The following GFI1 variants were observed in gnomAD, a reference collection of about 807,000 sequenced individuals.
GFI1 encodes zinc finger protein Gfi-1.
In GFI1, 15 loss-of-function variants were observed where a neutral mutation model predicts 39.2. That is an observed-to-expected ratio of 0.38 (90% CI 0.26 to 0.59). GFI1 has a LOEUF of 0.59. Ranked by LOEUF, GFI1 falls within the 20% of genes least tolerant of loss-of-function variation. The pLI is 0.62. For synonymous variants in GFI1, 239 were observed against 254.3 expected, an observed-to-expected ratio of 0.94 and a Z score of 0.57; for missense variants, 475 against 574.0, an observed-to-expected ratio of 0.83 and a Z score of 1.76.
At position 92,475,787 on chromosome 1, in the gene GFI1, G is replaced by A; in HGVS notation, c.*242C>T. The A allele has an allele frequency of 5.4e-6, 3 of 554,526 alleles. No homozygotes were observed. The highest frequency in any genetic ancestry group is 9.8e-6 in the Non-Finnish European group (3 of 307,598). 34.4% of individuals were successfully genotyped at this position (554,526 alleles called of 1,614,324 possible). Reference sequence around the variant, plus strand: ...TTCAGGTGTAGAGGAGCCTATTTGTGTCCGAAGCCTAGAGAGTCACTTGGT... The same window carrying A: ...TTCAGGTGTAGAGGAGCCTATTTGTATCCGAAGCCTAGAGAGTCACTTGGT... On this transcript the variant is annotated 3_prime_UTR_variant, in exon 7 of 7. Coordinates refer to ENST00000294702, the MANE Select transcript of GFI1 (RefSeq NM_005263.5).
intron 6 of GFI1, among the ~76,000 whole-genome samples, chr1:92,477,595 C>T (rs1571211946): frequency 6.6e-6 from 1 of 152,170 alleles, no homozygotes; most frequent in Admixed American, 6.5e-5. Flanking sequence ...GTTAGACAAA[C>T]AGTCCAGGAT....
chr1:92,476,325 A>G (rs1401734486), intron 6 of GFI1, 118 bp from the exon 7 acceptor site: 1 of 900,238 alleles, frequency 1.1e-6, no homozygotes, highest in Non-Finnish European at 1.8e-6. Context: ...AAGGCCTTCA[A>G]GCAACTTGGA....
chr1:92,475,569 C>T lies in GFI1; in HGVS notation c.*460G>A. On this transcript the variant is annotated 3_prime_UTR_variant, in exon 7 of 7. Coordinates refer to ENST00000294702, the MANE Select transcript of GFI1 (RefSeq NM_005263.5). ...TAAAAGTTAACACTCACTCTTCTTT[C>T]TAGATAAAAATATTAGCATTTGTCC... 1 of 195,232 alleles carries T rather than the reference C, an allele frequency of 5.1e-6. No homozygotes were observed. The highest frequency in any genetic ancestry group is 9.3e-5 in the South Asian group (1 of 10,794). The allele number at this position is 195,232 out of a possible 1,614,324, so 12.1% of individuals were successfully genotyped here. A position where few individuals can be genotyped will look rare whatever the true frequency, so the allele number is the denominator to read the frequency against.
Position 92,484,695 on chromosome 1 carries a change from G to C in GFI1, c.-99-1109C>G, listed in dbSNP as rs938286868. 4.6e-5 allele frequency: 7 copies of C among 152,560 alleles called. No homozygotes were observed. In the South Asian group the frequency reaches 1.0e-3, roughly 23 times the overall value. The allele number at this position is 152,560 out of a possible 1,614,324, so 9.5% of individuals were successfully genotyped here. A position where few individuals can be genotyped will look rare whatever the true frequency, so the allele number is the denominator to read the frequency against. On this transcript the variant is annotated intron_variant, in intron 1 of 6. Coordinates refer to ENST00000294702, the MANE Select transcript of GFI1 (RefSeq NM_005263.5). The surrounding 1 kb of genome is among the most constrained non-coding windows in gnomAD (Gnocchi z 4.1). The stretch of plus-strand genomic sequence containing the variant: ...CCAGGTCGAAATCTGAGCGCAGCGG[G>C]AGGGCGTGGCTGCGCCTGCCGCTAG...
intron 6 of GFI1, among the ~76,000 whole-genome samples, chr1:92,476,835 A>T (rs1229665800): frequency 1.3e-5 from 2 of 152,150 alleles, no homozygotes; most frequent in Non-Finnish European, 2.9e-5. Context: ...ATCTTATTTT[A>T]AAAATCCACA....
At position 92,480,422 on chromosome 1, in the gene GFI1, A is replaced by C; in HGVS notation, c.850T>G (p.Phe284Val). 1 of 1,550,390 alleles carries C rather than the reference A, an allele frequency of 6.4e-7. No homozygotes were observed. Among genetic ancestry groups the C allele is most frequent in the Non-Finnish European group, 8.7e-7 (1 of 1,146,662 alleles). ...GTCTTGCCGCACATCTCGCAGGCAAAGGGTCTGGTACCGCTGTGGGACCTG... is the reference window on the plus strand; with the variant it reads ...GTCTTGCCGCACATCTCGCAGGCAACGGGTCTGGTACCGCTGTGGGACCTG... ...VRRSHSGTRP[F>V]ACEMCGKTFG... is the part of the protein sequence containing the mutation. Residue 284 changes from phenylalanine to valine, a missense_variant, in exon 5 of 7, where the codon TTT becomes GTT. Physicochemically the swap from Phe to Val is conservative, Grantham distance 50 (BLOSUM62 -1). Coordinates refer to ENST00000294702, the MANE Select transcript of GFI1 (RefSeq NM_005263.5). The surrounding 1 kb of genome is among the most constrained non-coding windows in gnomAD (Gnocchi z 5.6).
rs1658253379 is a variant in GFI1 at position 92,481,503 on chromosome 1, G to A, written c.299-415C>T. Among the ~76,000 whole-genome samples the A allele has an allele frequency of 6.6e-6, 1 of 152,240 alleles. No individual in the cohort carries two copies. The highest frequency in any genetic ancestry group is 1.5e-5 in the Non-Finnish European group (1 of 68,046). On this transcript the variant is annotated intron_variant, in intron 3 of 6. Transcript: ENST00000294702. This position sits in a 1 kb window ranked among gnomAD's most constrained non-coding sequence, Gnocchi z 4.3. ...CGGCCCCTCACAGCACTCAAGGGCG[G>A]AAGGGTCCAGCCACCAGCGCAGGCA... is the stretch of plus-strand genomic sequence containing the variant.
intron 5 of GFI1, 131 bp from the exon 6 acceptor site, chr1:92,478,884 T>C: frequency 8.2e-7 from 1 of 1,217,520 alleles, no homozygotes; most frequent in Non-Finnish European, 1.2e-6. Context: ...TCTTTCTTTT[T>C]TTGAGACAGT....
chr1:92,476,743 A>ACTTT (rs754858245), intron 6 of GFI1, among the ~76,000 whole-genome samples: 1 of 152,020 alleles, frequency 6.6e-6, no homozygotes, highest in Non-Finnish European at 1.5e-5. Context: ...CTTAACATGG[A>ACTTT]CTTTCTTTCT....
rs1255210798 is a variant in GFI1, at chr1:92,481,380, T to C, written c.299-292A>G. 1.3e-5 allele frequency among the ~76,000 whole-genome samples: 2 copies of C among 152,216 alleles called. No homozygotes were observed. Among genetic ancestry groups the C allele is most frequent in the African/African-American group, 4.8e-5 (2 of 41,456 alleles). ...GAGGCGCTCGGCGTTCCGAGGATCT[T>C]TTCTGGCTGGACCCGCGCACCTGGA... On this transcript the variant is annotated intron_variant, in intron 3 of 6. Transcript: ENST00000294702. This position sits in a 1 kb window ranked among gnomAD's most constrained non-coding sequence, Gnocchi z 4.3.
chr1:92,483,167 G>A (rs542405916), intron 2 of GFI1, 121 bp from the exon 3 acceptor site: 2 of 979,378 alleles, frequency 2.0e-6, no homozygotes, highest in South Asian at 1.7e-5. Flanking sequence ...CCCAGACCCC[G>A]GCCGGGAACC....
At chr1:92,483,620 GTCAGTAC>G (rs1296909351) in intron 1 of GFI1, 34 bp from the exon 2 acceptor site, 1 of 703,946 alleles carries the variant, frequency 1.4e-6, no homozygotes, top group Non-Finnish European at 2.6e-6. Context: ...GGAGACGTGG[GTCAGTAC>G]TCTCCGGTGC....
rs1296503767 is a variant in GFI1 at position 92,484,789 on chromosome 1, C to A, written c.-99-1203G>T. The A allele has an allele frequency of 2.0e-5, 3 of 152,318 alleles. No individual in the cohort carries two copies. Among genetic ancestry groups the A allele is most frequent in the East Asian group, 3.9e-4 (2 of 5,184 alleles). The allele number at this position is 152,318 out of a possible 1,614,324, so 9.4% of individuals were successfully genotyped here. On this transcript the variant is annotated intron_variant, in intron 1 of 6. Coordinates refer to ENST00000294702, the MANE Select transcript of GFI1 (RefSeq NM_005263.5). The surrounding 1 kb of genome is among the most constrained non-coding windows in gnomAD (Gnocchi z 4.1). ...CTGGAGTAAACGAATCTGCCTTCCT[C>A]CCGGGGTGAAGGCGATGGTGACCGG...
Position 92,482,772 on chromosome 1 carries a change from T to A in GFI1, c.298+92A>T. On this transcript the variant is annotated intron_variant, in intron 3 of 6. Coordinates refer to ENST00000294702, the MANE Select transcript of GFI1 (RefSeq NM_005263.5). This position sits in a 1 kb window ranked among gnomAD's most constrained non-coding sequence, Gnocchi z 4.4. ...CCGGAAAGACTCTCCAACTCCCCGT[T>A]AGCATTTCTACGCCCAAGGTCGCGC... 1.0e-6 allele frequency: 1 copy of A among 981,812 alleles called. No homozygotes were observed. Among genetic ancestry groups the A allele is most frequent in the Non-Finnish European group, 1.6e-6 (1 of 615,968 alleles). The allele number at this position is 981,812 out of a possible 1,614,324, so 60.8% of individuals were successfully genotyped here.
At position 92,484,237 on chromosome 1, in the gene GFI1, A is replaced by C. The variant is rs1283630087; in HGVS notation, c.-99-651T>G. ...GCAAAGGGACAGGAAAGTGAGGGGA[A>C]CAACAGACGACCAACCCCCGCCCCA... On this transcript the variant is annotated intron_variant, in intron 1 of 6. Coordinates refer to ENST00000294702, the MANE Select transcript of GFI1 (RefSeq NM_005263.5). This position sits in a 1 kb window ranked among gnomAD's most constrained non-coding sequence, Gnocchi z 4.1. 1.3e-5 allele frequency among the ~76,000 whole-genome samples: 2 copies of C among 152,110 alleles called. No individual in the cohort carries two copies. The highest frequency in any genetic ancestry group is 2.9e-5 in the Non-Finnish European group (2 of 68,000).
chr1:92,481,501 C>T lies in GFI1; in HGVS notation c.299-413G>A, dbSNP rs113084384. On this transcript the variant is annotated intron_variant, in intron 3 of 6. Coordinates refer to ENST00000294702, the MANE Select transcript of GFI1 (RefSeq NM_005263.5). This position sits in a 1 kb window ranked among gnomAD's most constrained non-coding sequence, Gnocchi z 4.3. ...TTCGGCCCCTCACAGCACTCAAGGG[C>T]GGAAGGGTCCAGCCACCAGCGCAGG... is the stretch of plus-strand genomic sequence containing the variant. Among the ~76,000 whole-genome samples, 4 of 152,200 alleles carry T rather than the reference C, an allele frequency of 2.6e-5. No individual in the cohort carries two copies. The highest frequency in any genetic ancestry group is 9.7e-5 in the African/African-American group (4 of 41,448).
chr1:92,485,025 T>C (rs1359413454), intron 1 of GFI1, among the ~76,000 whole-genome samples: 3 of 152,194 alleles, frequency 2.0e-5, no homozygotes, highest in African/African-American at 7.2e-5. Flanking sequence ...AAACGAGTCC[T>C]ACAGGCCTTG....
At position 92,475,772 on chromosome 1, in the gene GFI1, G is replaced by T; in HGVS notation, c.*257C>A. On this transcript the variant is annotated 3_prime_UTR_variant, in exon 7 of 7. Coordinates refer to ENST00000294702, the MANE Select transcript of GFI1 (RefSeq NM_005263.5). ...GACTTTGCCTTTGTCTTCAGGTGTA[G>T]AGGAGCCTATTTGTGTCCGAAGCCT... is the stretch of plus-strand genomic sequence containing the variant. 1.9e-6 allele frequency: 1 copy of T among 530,372 alleles called. No individual in the cohort carries two copies. The highest frequency in any genetic ancestry group is 3.4e-6 in the Non-Finnish European group (1 of 292,364). 32.9% of individuals were successfully genotyped at this position (530,372 alleles called of 1,614,324 possible).
At position 92,480,297 on chromosome 1, in the gene GFI1, T is replaced by C. The variant is rs1399408566; in HGVS notation, c.924+51A>G. The C allele has an allele frequency of 5.9e-6, 9 of 1,532,596 alleles. No individual in the cohort carries two copies. Among genetic ancestry groups the C allele is most frequent in the Non-Finnish European group, 7.9e-6 (9 of 1,140,512 alleles). The allele number at this position is 1,532,596 out of a possible 1,614,324, so 94.9% of individuals were successfully genotyped here. A position where few individuals can be genotyped will look rare whatever the true frequency, so the allele number is the denominator to read the frequency against. The stretch of plus-strand genomic sequence containing the variant: ...AGTGGCTGGTGCTGCACCGAGGAGA[T>C]GCAGAAGATCCCCGAGCAGGGCCGC... On this transcript the variant is annotated intron_variant, in intron 5 of 6. Transcript: ENST00000294702. This position sits in a 1 kb window ranked among gnomAD's most constrained non-coding sequence, Gnocchi z 5.6.
Sources: gnomAD v4.1 joint callset for allele counts (sites outside exome capture counted in the v4.1 genomes callset) on GRCh38, gnomAD v4.1.1 for gene constraint, Gnocchi (gnomAD v3.1) non-coding constraint, MANE v1.5 for transcripts, NCBI Gene and HGNC (gene_info 2026-07-23, HGNC 2026-07-21) for gene names.